The following TBC1D22A variants were observed in gnomAD, a reference collection of about 807,000 sequenced individuals.
The protein encoded by TBC1D22A is TBC1 domain family member 22A, also known as putative GTPase activator.
A neutral mutation model predicts 60.2 loss-of-function variants in TBC1D22A; 38 were observed. That is an observed-to-expected ratio of 0.63 (90% CI 0.49 to 0.83). TBC1D22A has a LOEUF of 0.83. Among genes scored for constraint, TBC1D22A ranks in the 40% least tolerant of loss-of-function variants. TBC1D22A has a pLI of 0.00. For missense variants in TBC1D22A, 628 were observed against 701.0 expected (o/e 0.90, Z 1.18); for synonymous variants, 302 against 281.7 (o/e 1.07, Z -0.72).
At chr22:46,811,819 G>C (rs1012901246) in intron 4 of TBC1D22A, among the ~76,000 whole-genome samples, 1 of 152,186 alleles carries the variant, frequency 6.6e-6, no homozygotes, top group Admixed American at 6.5e-5. Flanking sequence ...TTCTTGGAAG[G>C]TCTGGCCCGC....
chr22:46,988,709 T>C (rs555541897), intron 9 of TBC1D22A, among the ~76,000 whole-genome samples: 1 of 152,370 alleles, frequency 6.6e-6, no homozygotes, highest in Admixed American at 6.5e-5. Context: ...TGTTGTTCCA[T>C]TTATAGAGCA....
chr22:47,019,251 C>T (rs957042971), intron 10 of TBC1D22A, among the ~76,000 whole-genome samples: 1 of 152,240 alleles, frequency 6.6e-6, no homozygotes, highest in Admixed American at 6.5e-5. Flanking sequence ...CCTCCTACTC[C>T]CTCCCAGCCT....
chr22:46,980,565 A>G (rs2074475359), intron 9 of TBC1D22A, among the ~76,000 whole-genome samples: 3 of 152,388 alleles, frequency 2.0e-5, no homozygotes, highest in African/African-American at 7.2e-5. Flanking sequence ...TCATTAGACA[A>G]AAGAGAAGAG....
chr22:46,927,329 T>A (rs1486645923), intron 8 of TBC1D22A, among the ~76,000 whole-genome samples: 1 of 152,228 alleles, frequency 6.6e-6, no homozygotes, highest in African/African-American at 2.4e-5. Context: ...ATACACTGTA[T>A]TAACAGAATA....
chr22:46,790,244 C>T (rs952819353), intron 1 of TBC1D22A, among the ~76,000 whole-genome samples: 1 of 152,266 alleles, frequency 6.6e-6, no homozygotes, highest in African/African-American at 2.4e-5. Flanking sequence ...AGCCCCCTTT[C>T]TCCACGTACA....
At chr22:46,874,854 G>A (rs533408090) in intron 4 of TBC1D22A, among the ~76,000 whole-genome samples, 287 of 152,250 alleles carry the variant, frequency 1.9e-3, no homozygotes, top group Non-Finnish European at 3.1e-3. Context: ...GATTACAGGC[G>A]TGAGCCACTG....
intron 9 of TBC1D22A, among the ~76,000 whole-genome samples, chr22:46,976,500 C>G (rs2074300538): frequency 6.6e-6 from 1 of 152,228 alleles, no homozygotes; most frequent in African/African-American, 2.4e-5. Flanking sequence ...TTTACAAGCA[C>G]TGCCGCTGTT....
chr22:46,904,985 G>A (rs962858644), intron 7 of TBC1D22A, among the ~76,000 whole-genome samples: 23 of 150,176 alleles, frequency 1.5e-4, no homozygotes, highest in African/African-American at 3.7e-4. Context: ...CGTGTTAGCC[G>A]GGATGGTCTC....
In TBC1D22A at chr22:46,813,426, C is replaced by G. The variant is rs533661164; in HGVS notation, c.637+15806C>G. ...TTGCTTTGGCCAGTATGGGTGACTT[C>G]TCTGGAGAGGGAGAAATCTTATTTT... On this transcript the variant is annotated intron_variant, in intron 4 of 12. Transcript: ENST00000337137. 2.0e-4 allele frequency among the ~76,000 whole-genome samples: 31 copies of G among 152,324 alleles called. No homozygotes were observed. In the East Asian group the frequency reaches 6.0e-3, roughly 29 times the overall value.
chr22:46,943,493 C>T lies in TBC1D22A; in HGVS notation c.1016-30797C>T, dbSNP rs529546214. Among the ~76,000 whole-genome samples, 6 of 152,300 alleles carry T rather than the reference C, an allele frequency of 3.9e-5. No homozygotes were observed. The South Asian group carries it at 6.2e-4, about 16-fold the overall frequency. ...AGAGTAGCGGCATGGGCTGCTGGTC[C>T]GCCAGGACTGGAGCATCGGGGACTG... On this transcript the variant is annotated intron_variant, in intron 8 of 12. Coordinates refer to ENST00000337137, the MANE Select transcript of TBC1D22A (RefSeq NM_014346.5).
intron 4 of TBC1D22A, among the ~76,000 whole-genome samples, chr22:46,816,637 G>A (rs778586819): frequency 6.6e-6 from 1 of 152,164 alleles, no homozygotes; most frequent in Non-Finnish European, 1.5e-5. Context: ...AGTTAGCCAC[G>A]TGGTAGATGA....
intron 10 of TBC1D22A, among the ~76,000 whole-genome samples, chr22:47,035,041 G>T (rs2062611426): frequency 6.6e-6 from 1 of 152,154 alleles, no homozygotes; most frequent in South Asian, 2.1e-4. Flanking sequence ...AGGTGGGCTT[G>T]CTAATGAAGA....
chr22:47,146,145 C>T (rs1330580239), intron 12 of TBC1D22A, among the ~76,000 whole-genome samples: 1 of 150,520 alleles, frequency 6.6e-6, no homozygotes, highest in East Asian at 2.0e-4. Context: ...TGTGCTGTCC[C>T]TTAAAACAGG....
intron 10 of TBC1D22A, among the ~76,000 whole-genome samples, chr22:47,014,760 G>A (rs1170169225): frequency 1.4e-5 from 2 of 142,508 alleles, no homozygotes; most frequent in Non-Finnish European, 3.1e-5. Context: ...CTGCCCCTCA[G>A]CCAGGGCTCC....
intron 5 of TBC1D22A, among the ~76,000 whole-genome samples, chr22:46,887,420 G>A (rs1397599196): frequency 6.6e-6 from 1 of 152,202 alleles, no homozygotes; most frequent in Non-Finnish European, 1.5e-5. Context: ...TCGGAGGTAT[G>A]CAAACCTAGC....
intron 1 of TBC1D22A, among the ~76,000 whole-genome samples, chr22:46,773,545 A>G (rs2083577111): frequency 6.6e-6 from 1 of 151,594 alleles, no homozygotes; most frequent in Non-Finnish European, 1.5e-5. Flanking sequence ...GCTCACTGTA[A>G]CCTCTGCCTC....
intron 8 of TBC1D22A, among the ~76,000 whole-genome samples, chr22:46,922,278 G>C (rs1387509621): frequency 1.3e-5 from 2 of 152,138 alleles, no homozygotes; most frequent in Non-Finnish European, 2.9e-5. Flanking sequence ...TGTTACCAGT[G>C]CCATGCTGTT....
intron 7 of TBC1D22A, among the ~76,000 whole-genome samples, chr22:46,901,844 T>C (rs555676741): frequency 1.3e-5 from 2 of 152,330 alleles, no homozygotes; most frequent in Non-Finnish European, 2.9e-5. Flanking sequence ...TCTATTTTGC[T>C]CCTCTCCCAG....
chr22:46,855,305 G>T (rs1239542488), intron 4 of TBC1D22A, among the ~76,000 whole-genome samples: 1 of 152,222 alleles, frequency 6.6e-6, no homozygotes, highest in African/African-American at 2.4e-5. Context: ...AGCTTACCCA[G>T]AGCCCTTCTT....
Sources: gnomAD v4.1 joint callset for allele counts (sites outside exome capture counted in the v4.1 genomes callset) on GRCh38, gnomAD v4.1.1 for gene constraint, MANE v1.5 for transcripts, NCBI Gene and HGNC (gene_info 2026-07-23, HGNC 2026-07-21) for gene names.